Variants in GPC6 observed in about 807,000 individuals in gnomAD.
GPC6 encodes glypican-6.
GPC6 carries 14 observed loss-of-function variants against 55.2 expected under a neutral mutation model. The observed-to-expected ratio is 0.25, with a 90% CI of 0.17 to 0.40. The LOEUF (loss-of-function observed/expected upper bound fraction) is 0.40. Ranked by LOEUF, GPC6 falls within the 10% of genes least tolerant of loss-of-function variation. GPC6 has a pLI of 1.00. For synonymous variants in GPC6, 278 were observed against 259.6 expected, an observed-to-expected ratio of 1.07 and a Z score of -0.68; for missense variants, 641 against 708.5, an observed-to-expected ratio of 0.90 and a Z score of 1.08.
chr13:93,231,393 A>ACG lies in GPC6; in HGVS notation c.160+3777_160+3778insCG, dbSNP rs1555336147. 1.2e-3 allele frequency among the ~76,000 whole-genome samples: 31 copies of ACG among 24,874 alleles called. 2 individuals are homozygous for ACG. The highest frequency in any genetic ancestry group is 4.9e-3 in the South Asian group (4 of 824). The allele number at this position is 24,874 out of a possible 152,430, so 16.3% of individuals were successfully genotyped here. On this transcript the variant is annotated intron_variant, in intron 1 of 8. Coordinates refer to ENST00000377047, the MANE Select transcript of GPC6 (RefSeq NM_005708.5). ...TATATATATATACATATATATATAT[A>ACG]TATGTATATATATATATATATATAT...
At chr13:94,334,423 T>C (rs547984588) in intron 6 of GPC6, among the ~76,000 whole-genome samples, 2 of 152,210 alleles carry the variant, frequency 1.3e-5, no homozygotes, top group African/African-American at 4.8e-5. Flanking sequence ...CAAATCTTTC[T>C]AAAGTAGAGT....
chr13:93,927,507 T>C (rs1877923003), intron 3 of GPC6, among the ~76,000 whole-genome samples: 1 of 152,144 alleles, frequency 6.6e-6, no homozygotes, highest in African/African-American at 2.4e-5. Context: ...AGTGGTTTGC[T>C]TCCTTATCCC....
chr13:93,740,502 T>G (rs1884163411), intron 2 of GPC6, among the ~76,000 whole-genome samples: 1 of 152,180 alleles, frequency 6.6e-6, no homozygotes, highest in African/African-American at 2.4e-5. Flanking sequence ...AGCTTTTTGC[T>G]GGGAGGAATT....
chr13:94,023,283 T>C (rs1376572589), intron 3 of GPC6, among the ~76,000 whole-genome samples: 2 of 151,974 alleles, frequency 1.3e-5, no homozygotes, highest in Non-Finnish European at 2.9e-5. Flanking sequence ...GCTAAACATA[T>C]AGACTTATCT....
intron 4 of GPC6, among the ~76,000 whole-genome samples, chr13:94,150,338 C>G (rs1405482040): frequency 1.3e-5 from 2 of 152,104 alleles, no homozygotes; most frequent in African/African-American, 4.8e-5. Context: ...TTCTAGCCCA[C>G]TCTTCAATTT....
intron 3 of GPC6, among the ~76,000 whole-genome samples, chr13:93,992,764 C>G (rs566661322): frequency 3.4e-4 from 52 of 152,252 alleles, no homozygotes; most frequent in African/African-American, 1.2e-3. Flanking sequence ...GTCCTTAGCT[C>G]TGATGTTGGC....
intron 1 of GPC6, among the ~76,000 whole-genome samples, chr13:93,482,220 A>G (rs918316193): frequency 4.6e-5 from 7 of 152,052 alleles, no homozygotes; most frequent in Non-Finnish European, 1.0e-4. Flanking sequence ...TTCTTCTGTT[A>G]ATTTCAGAAT....
At chr13:93,547,219 G>A (rs561000463) in intron 2 of GPC6, among the ~76,000 whole-genome samples, 6 of 151,400 alleles carry the variant, frequency 4.0e-5, no homozygotes, top group East Asian at 2.0e-4. Context: ...GGTGCCAGGC[G>A]CCTGTAGTCC....
intron 1 of GPC6, among the ~76,000 whole-genome samples, chr13:93,308,013 G>A (rs1000393070): frequency 1.3e-5 from 2 of 152,030 alleles, no homozygotes; most frequent in South Asian, 2.1e-4. Flanking sequence ...GGCCGGGCAC[G>A]GTGGCTCACG....
intron 1 of GPC6, among the ~76,000 whole-genome samples, chr13:93,379,937 T>C (rs952108720): frequency 6.9e-6 from 1 of 145,128 alleles, no homozygotes; most frequent in Non-Finnish European, 1.5e-5. Context: ...ATAGAATAGT[T>C]GAACAGCTTA....
At chr13:94,390,735 C>G (rs974420443) in intron 7 of GPC6, among the ~76,000 whole-genome samples, 3 of 152,166 alleles carry the variant, frequency 2.0e-5, no homozygotes, top group Non-Finnish European at 4.4e-5. Flanking sequence ...AGTGGGAATT[C>G]TGTCTTAGGA....
At chr13:93,543,094 C>A (rs1882392323) in intron 1 of GPC6, among the ~76,000 whole-genome samples, 1 of 150,710 alleles carries the variant, frequency 6.6e-6, no homozygotes. Flanking sequence ...GCATCCCTGT[C>A]TTGTGCCAGT....
intron 2 of GPC6, among the ~76,000 whole-genome samples, chr13:93,770,885 GT>G (rs917962811): frequency 1.1e-4 from 16 of 149,706 alleles, no homozygotes; most frequent in African/African-American, 2.4e-4. Context: ...TACTTAAGTA[GT>G]TTTTTTTTTC....
chr13:93,838,680 G>A (rs946895360), intron 3 of GPC6, among the ~76,000 whole-genome samples: 1 of 152,090 alleles, frequency 6.6e-6, no homozygotes, highest in African/African-American at 2.4e-5. Context: ...GCAGGTGCTG[G>A]GATGGGAAGC....
chr13:94,131,115 A>C (rs532442222), intron 4 of GPC6, among the ~76,000 whole-genome samples: 34 of 152,260 alleles, frequency 2.2e-4, no homozygotes, highest in African/African-American at 7.9e-4. Context: ...TGATGAGAAA[A>C]AGATTTACAA....
intron 1 of GPC6, among the ~76,000 whole-genome samples, chr13:93,314,209 A>G (rs1879166140): frequency 6.6e-6 from 1 of 152,114 alleles, no homozygotes; most frequent in Admixed American, 6.5e-5. Flanking sequence ...TTTTCTCAAT[A>G]ATTTCTTTTA....
chr13:94,061,911 A>G (rs1338593339), intron 4 of GPC6, among the ~76,000 whole-genome samples: 1 of 152,182 alleles, frequency 6.6e-6, no homozygotes, highest in Admixed American at 6.5e-5. Flanking sequence ...CAGTGAAGCT[A>G]AAAGAAATGT....
intron 2 of GPC6, among the ~76,000 whole-genome samples, chr13:93,738,683 G>A (rs1278227112): frequency 1.3e-5 from 2 of 152,064 alleles, no homozygotes; most frequent in African/African-American, 4.8e-5. Flanking sequence ...AGGAGGGGAA[G>A]TAAAGCACCC....
intron 2 of GPC6, among the ~76,000 whole-genome samples, chr13:93,826,160 G>C (rs1025627706): frequency 6.6e-6 from 1 of 151,980 alleles, no homozygotes; most frequent in South Asian, 2.1e-4. Flanking sequence ...GCACCCGGCC[G>C]GATGTCAGCT....
Sources: allele counts gnomAD v4.1 joint callset (sites outside exome capture counted in the v4.1 genomes callset), GRCh38; gene constraint gnomAD v4.1.1; transcripts MANE v1.5; gene names NCBI Gene and HGNC (gene_info 2026-07-23, HGNC 2026-07-21).